Variants in XKR9 observed in about 807,000 individuals in gnomAD.
XKR9 encodes the protein XK-related protein 9.
XKR9 carries 32 observed loss-of-function variants against 32.0 expected under a neutral mutation model. The observed-to-expected ratio is 1.00, with a 90% CI of 0.76 to 1.34. The LOEUF (loss-of-function observed/expected upper bound fraction) is 1.34. Ranked by LOEUF, XKR9 falls within the 40% of genes most tolerant of loss-of-function variation. XKR9 has a pLI of 0.00. For synonymous variants in XKR9, 168 were observed against 143.4 expected (o/e 1.17, Z -1.22); for missense variants, 546 against 429.7 (o/e 1.27, Z -2.39).
At chr8:70,905,027 G>A in the XKR9 span, among the ~76,000 whole-genome samples, 1 of 152,142 alleles carries the variant, frequency 6.6e-6, no homozygotes, top group Admixed American at 6.5e-5. Context: ...TGGGTAATTC[G>A]ACCTTTCTCT....
At chr8:70,792,444 G>C (rs73684587), downstream of XKR9, among the ~76,000 whole-genome samples, 1,476 of 152,184 alleles carry the variant, frequency 9.7e-3, 23 homozygotes, top group African/African-American at 0.034. Flanking sequence ...TTGAAGCTGA[G>C]TTTTGAGTCA....
At chr8:70,876,091 T>C in the XKR9 span, among the ~76,000 whole-genome samples, 6 of 152,262 alleles carry the variant, frequency 3.9e-5, no homozygotes, top group East Asian at 9.6e-4. Flanking sequence ...TACTATGAAA[T>C]AAAGCATAAC....
the XKR9 span, among the ~76,000 whole-genome samples, chr8:70,838,931 T>A: frequency 6.7e-6 from 1 of 149,624 alleles, no homozygotes; most frequent in Non-Finnish European, 1.5e-5. Context: ...CTAGACTAAA[T>A]AATTTGATGG....
the XKR9 span, among the ~76,000 whole-genome samples, chr8:71,048,749 A>G: frequency 6.6e-6 from 1 of 152,244 alleles, no homozygotes; most frequent in Admixed American, 6.5e-5. Flanking sequence ...TTTATTTATA[A>G]TAAGTGAATC....
At chr8:70,754,435 A>G (rs974165849) in intron 2 of XKR9, among the ~76,000 whole-genome samples, 1 of 123,814 alleles carries the variant, frequency 8.1e-6, no homozygotes, top group Non-Finnish European at 1.9e-5. Context: ...ATATGAAACC[A>G]TAAAAGAGCC....
intron 2 of XKR9, among the ~76,000 whole-genome samples, chr8:70,741,291 C>G (rs962075162): frequency 6.6e-6 from 1 of 152,178 alleles, no homozygotes; most frequent in Non-Finnish European, 1.5e-5. Context: ...GAGACCTGAG[C>G]TAGCACACTC....
At chr8:71,013,270 C>T in the XKR9 span, among the ~76,000 whole-genome samples, 3 of 152,232 alleles carry the variant, frequency 2.0e-5, no homozygotes, top group East Asian at 5.8e-4. Flanking sequence ...GGGGTTTCTG[C>T]AGAGCCACAA....
intron 2 of XKR9, among the ~76,000 whole-genome samples, chr8:70,768,651 G>A (rs2130226872): frequency 6.6e-6 from 1 of 151,936 alleles, no homozygotes; most frequent in Middle Eastern, 3.4e-3. Flanking sequence ...AGCTCTTCTT[G>A]TTGCATTGAT....
At chr8:70,926,396 A>G in the XKR9 span, among the ~76,000 whole-genome samples, 11 of 152,212 alleles carry the variant, frequency 7.2e-5, no homozygotes, top group Admixed American at 7.2e-4. Context: ...TACCTTCACT[A>G]TATTTACTTA....
At chr8:70,808,218 A>G in the XKR9 span, among the ~76,000 whole-genome samples, 3 of 152,188 alleles carry the variant, frequency 2.0e-5, no homozygotes, top group Admixed American at 6.5e-5. Context: ...TTTGAAACCA[A>G]TGAGAAGAAA....
At chr8:70,846,296 T>C in the XKR9 span, among the ~76,000 whole-genome samples, 4 of 151,908 alleles carry the variant, frequency 2.6e-5, no homozygotes, top group African/African-American at 9.7e-5. Flanking sequence ...CTACAAGAAA[T>C]GCTTAAGGGA....
chr8:70,985,531 A>G, the XKR9 span, among the ~76,000 whole-genome samples: 1 of 152,226 alleles, frequency 6.6e-6, no homozygotes, highest in Non-Finnish European at 1.5e-5. Flanking sequence ...TATCATAAAC[A>G]AGGCTGAAAT....
chr8:70,683,720 TC>T (rs1386845609), intron 3 of XKR9: 1 of 317,940 alleles, frequency 3.1e-6, no homozygotes, highest in South Asian at 2.4e-5. Context: ...ACTCCTGACC[TC>T]AAGTGATCCA....
chr8:71,003,598 C>T, the XKR9 span, among the ~76,000 whole-genome samples: 1 of 152,144 alleles, frequency 6.6e-6, no homozygotes, highest in African/African-American at 2.4e-5. Flanking sequence ...CTGTGTTGTG[C>T]TTTGGGGGCT....
At chr8:70,696,834 T>C (rs1044240833) in intron 3 of XKR9, among the ~76,000 whole-genome samples, 2 of 151,348 alleles carry the variant, frequency 1.3e-5, no homozygotes, top group Non-Finnish European at 3.0e-5. Flanking sequence ...GTTCTTCCGT[T>C]TGTTTGTATC....
intron 3 of XKR9, among the ~76,000 whole-genome samples, chr8:70,703,996 C>A (rs940131352): frequency 6.6e-6 from 1 of 151,990 alleles, no homozygotes. Context: ...TCCTGGCTAA[C>A]ACAGTGAAAC....
At chr8:70,999,144 A>C in the XKR9 span, among the ~76,000 whole-genome samples, 5 of 152,190 alleles carry the variant, frequency 3.3e-5, no homozygotes, top group African/African-American at 1.2e-4. Flanking sequence ...AAGAATATTA[A>C]TATATTAGTA....
chr8:71,055,658 TC>T, the XKR9 span, among the ~76,000 whole-genome samples: 1 of 152,140 alleles, frequency 6.6e-6, no homozygotes, highest in Non-Finnish European at 1.5e-5. Context: ...TGATTAATCC[TC>T]CCCGACATTG....
chr8:70,783,195 TA>T (rs1262949786), intron 2 of XKR9, among the ~76,000 whole-genome samples: 1 of 152,038 alleles, frequency 6.6e-6, no homozygotes, highest in Non-Finnish European at 1.5e-5. Flanking sequence ...ATTAAGCATT[TA>T]AAAAATATGT....
Sources: allele counts gnomAD v4.1 joint callset (sites outside exome capture counted in the v4.1 genomes callset), GRCh38; gene constraint gnomAD v4.1.1; transcripts MANE v1.5; gene names NCBI Gene and HGNC (gene_info 2026-07-23, HGNC 2026-07-21).